MASP1: variants seen among roughly 807,000 people sequenced by gnomAD.
The protein encoded by MASP1 is mannan-binding lectin serine protease 1.
MASP1 carries 59 observed loss-of-function variants against 77.1 expected under a neutral mutation model. The observed-to-expected ratio is 0.77, with a 90% confidence interval of 0.62 to 0.95. MASP1 has a LOEUF of 0.95. MASP1 is among the 40% of genes least tolerant of loss of function. The pLI, the probability that MASP1 is intolerant of heterozygous loss-of-function variation, is 0.00. For synonymous variants in MASP1, 362 were observed against 354.5 expected (o/e 1.02, Z -0.24); for missense variants, 885 against 912.9 (o/e 0.97, Z 0.39).
rs1318718431 is a variant in MASP1 at position 187,226,522 on chromosome 3, T to C, written c.1442-2A>G. On this transcript the variant is annotated splice_acceptor_variant, in intron 11 of 15. Transcript: ENST00000337774. LOFTEE classifies it high-confidence loss of function. ...CGGCGGTCACGATCCAGCTGGAGCC[T>C]GGGGAACAGAACACACGTCTCATCG... 6.2e-7 allele frequency: 1 copy of C among 1,601,616 alleles called. No individual in the cohort carries two copies. The highest frequency in any genetic ancestry group is 1.1e-5 in the South Asian group (1 of 89,048).
At chr3:187,284,474 A>C (rs1256052403) in intron 2 of MASP1, among the ~76,000 whole-genome samples, 1 of 152,224 alleles carries the variant, frequency 6.6e-6, no homozygotes, top group Non-Finnish European at 1.5e-5. Context: ...AGTAGTGCTG[A>C]GGTTAAAAAT....
At chr3:187,221,532 A>T (rs1411891860) in intron 14 of MASP1, among the ~76,000 whole-genome samples, 2 of 152,200 alleles carry the variant, frequency 1.3e-5, no homozygotes, top group Non-Finnish European at 2.9e-5. Context: ...TGGCTTACTC[A>T]TTGTTTTTCA....
At chr3:187,240,883 G>A (rs879907651) in intron 10 of MASP1, among the ~76,000 whole-genome samples, 5 of 152,064 alleles carry the variant, frequency 3.3e-5, no homozygotes, top group African/African-American at 1.2e-4. Flanking sequence ...TGATCCACCC[G>A]CCTTGGCCTC....
intron 15 of MASP1, chr3:187,220,359 A>G (rs1711972348): frequency 9.0e-7 from 1 of 1,113,444 alleles, no homozygotes; most frequent in Non-Finnish European, 1.3e-6. Flanking sequence ...ATTGGGCACT[A>G]GAGGGCATAG....
At position 187,235,222 on chromosome 3, in the gene MASP1, A is replaced by G. The variant is rs962096585; in HGVS notation, c.*462T>C. The G allele has an allele frequency of 1.6e-5, 20 of 1,288,982 alleles. No individual in the cohort carries two copies. The highest frequency in any genetic ancestry group is 2.0e-6 in the Non-Finnish European group (2 of 990,042). 79.8% of individuals were successfully genotyped at this position (1,288,982 alleles called of 1,614,324 possible). A position where few individuals can be genotyped will look rare whatever the true frequency, so the allele number is the denominator to read the frequency against. On this transcript the variant is annotated 3_prime_UTR_variant, in exon 11 of 11. Transcript: ENST00000296280. Reference sequence around the variant, plus strand: ...GGATTAGGCCAAGGCTAGTCCCAGAAGGCAGAGCAGGAAAATATACAGATG... The same window carrying G: ...GGATTAGGCCAAGGCTAGTCCCAGAGGGCAGAGCAGGAAAATATACAGATG...
chr3:187,223,340 G>A (rs1226056692), intron 13 of MASP1: 5 of 723,446 alleles, frequency 6.9e-6, no homozygotes, highest in African/African-American at 1.7e-5. Context: ...GGAGGAAGAC[G>A]TGAAAGGCAG....
chr3:187,264,509 T>A (rs1402099227), intron 2 of MASP1, among the ~76,000 whole-genome samples: 1 of 152,192 alleles, frequency 6.6e-6, no homozygotes, highest in Non-Finnish European at 1.5e-5. Context: ...AAGTACCCAC[T>A]TTCTCAAGTG....
downstream of MASP1, among the ~76,000 whole-genome samples, chr3:187,232,926 G>A (rs552864133): frequency 1.2e-4 from 18 of 152,264 alleles, no homozygotes; most frequent in African/African-American, 1.7e-4. Context: ...AAACAAAGGC[G>A]AACCATGAGT....
At position 187,253,095 on chromosome 3, in the gene MASP1, C is replaced by T. The variant is rs1276607862; in HGVS notation, c.892+73G>A. On this transcript the variant is annotated intron_variant, in intron 6 of 10. Coordinates refer to ENST00000296280, the MANE Select transcript of MASP1 (RefSeq NM_139125.4). ...CCAGAGGAGATCCAAGCCTGCACAC[C>T]TCCTCCCTCAGCCACTGCCTCTGCA... 7 of 1,599,980 alleles carry T rather than the reference C, an allele frequency of 4.4e-6. No homozygotes were observed. In the East Asian group the frequency reaches 1.3e-4, roughly 31 times the overall value.
chr3:187,243,223 T>C (rs1713801966), intron 9 of MASP1: 3 of 474,770 alleles, frequency 6.3e-6, no homozygotes, highest in South Asian at 4.2e-5. Flanking sequence ...AACTCATTAG[T>C]AAATCAGTGC....
In MASP1 at chr3:187,291,681, T is replaced by G. The variant is rs748842142; in HGVS notation, c.-49A>C. On this transcript the variant is annotated 5_prime_UTR_variant, in exon 1 of 11. Transcript: ENST00000296280. Reference sequence around the variant, plus strand: ...CTGCCCGGCCTTGGTCCTCCCAGCTTGACTTGCCTGTGAGCTCGTGCCCGG... The same window carrying G: ...CTGCCCGGCCTTGGTCCTCCCAGCTGGACTTGCCTGTGAGCTCGTGCCCGG... The G allele has an allele frequency of 1.2e-6, 2 of 1,613,646 alleles. No individual in the cohort carries two copies. Among genetic ancestry groups the G allele is most frequent in the African/African-American group, 2.7e-5 (2 of 74,938 alleles).
intron 10 of MASP1, 119 bp downstream of exon 10, chr3:187,241,362 A>G (rs1013582713): frequency 4.6e-5 from 38 of 825,686 alleles, no homozygotes; most frequent in Non-Finnish European, 7.0e-5. Flanking sequence ...ACATCTCTTA[A>G]AAAGCAACCA....
At chr3:187,226,565 T>G (rs1292545579) in intron 11 of MASP1, 5 of 1,361,630 alleles carry the variant, frequency 3.7e-6, no homozygotes, top group Non-Finnish European at 5.2e-6. Flanking sequence ...CTACTGGGTC[T>G]TGCCTCCCTC....
chr3:187,251,496 T>C lies in MASP1; in HGVS notation c.1011+138A>G, dbSNP rs1265969558. On this transcript the variant is annotated intron_variant, in intron 7 of 10. Coordinates refer to ENST00000296280, the MANE Select transcript of MASP1 (RefSeq NM_139125.4). ...GCATGCTTTGGAATTTCTGGAGCAT[T>C]TGAGAAGTTGATGGGCAGCTAGGAA... 9.3e-6 allele frequency: 7 copies of C among 754,386 alleles called. No individual in the cohort carries two copies. The Admixed American group carries it at 9.3e-5, about 10-fold the overall frequency. The allele number at this position is 754,386 out of a possible 1,614,324, so 46.7% of individuals were successfully genotyped here. A position where few individuals can be genotyped will look rare whatever the true frequency, so the allele number is the denominator to read the frequency against.
Position 187,241,481 on chromosome 3 carries a change from C to T in MASP1, c.1303G>A (p.Glu435Lys), listed in dbSNP as rs745798438. The T allele has an allele frequency of 6.2e-7, 1 of 1,613,544 alleles. No individual in the cohort carries two copies. Among genetic ancestry groups the T allele is most frequent in the Non-Finnish European group, 8.5e-7 (1 of 1,179,542 alleles). The change falls in exon 10 of 11, where the codon GAG becomes AAG. Residue 435 changes from glutamate to lysine, a missense_variant and splice_region_variant. By Grantham distance (56) the Glu-to-Lys change is moderately conservative (BLOSUM62 1). Coordinates refer to ENST00000296280, the MANE Select transcript of MASP1 (RefSeq NM_139125.4). ...LGRSLPTCLPECGQPSRSLPS... is the reference protein window; with the variant it reads ...LGRSLPTCLPKCGQPSRSLPS... ...GCAAAGGATTTGGAGGGTGAGGTAC[C>T]TGGAAGGCAGGTGGGTAGGCTTCTC...
At chr3:187,227,717 C>G (rs146922464) in intron 11 of MASP1, among the ~76,000 whole-genome samples, 59 of 152,300 alleles carry the variant, frequency 3.9e-4, no homozygotes, top group African/African-American at 1.2e-3. Context: ...ATGTCCAGGA[C>G]CAGATTTTCC....
At chr3:187,268,525 G>GA (rs1553781337) in intron 2 of MASP1, among the ~76,000 whole-genome samples, 13 of 141,296 alleles carry the variant, frequency 9.2e-5, no homozygotes, top group Non-Finnish European at 1.7e-4. Context: ...GAGGAAGAAA[G>GA]AAAGAAAAGA....
intron 14 of MASP1, among the ~76,000 whole-genome samples, chr3:187,222,436 T>A (rs1248609068): frequency 1.3e-5 from 2 of 152,244 alleles, no homozygotes; most frequent in East Asian, 3.9e-4. Flanking sequence ...TTGTTGCAAA[T>A]CCCAAATTTT....
chr3:187,271,440 T>A (rs1202441205), intron 2 of MASP1, among the ~76,000 whole-genome samples: 2 of 152,230 alleles, frequency 1.3e-5, no homozygotes, highest in Admixed American at 1.3e-4. Context: ...TAGCATTAAC[T>A]TCTAAATACA....
Sources: gnomAD v4.1 joint callset for allele counts (sites outside exome capture counted in the v4.1 genomes callset) on GRCh38, gnomAD v4.1.1 for gene constraint, MANE v1.5 for transcripts, NCBI Gene and HGNC (gene_info 2026-07-23, HGNC 2026-07-21) for gene names.